FSIP2: variants seen among roughly 807,000 people sequenced by gnomAD.
FSIP2 encodes fibrous sheath interacting protein 2.
A neutral mutation model predicts 510.5 loss-of-function variants in FSIP2; 367 were observed. The ratio of observed to expected loss-of-function variants is 0.72; its 90% CI spans 0.66 to 0.78. The LOEUF is 0.78. Ranked by LOEUF, FSIP2 falls within the 30% of genes least tolerant of loss-of-function variation. The probability of loss-of-function intolerance (pLI) is 0.00; values close to 1 mark genes in which losing one functional copy is unlikely to be tolerated. For synonymous variants in FSIP2, 2,601 were observed against 2,732.2 expected (o/e 0.95, Z 1.50); for missense variants, 7,594 against 7,901.7 (o/e 0.96, Z 1.48).
In FSIP2 at chr2:185,791,312, A is replaced by ACAAAG; in HGVS notation, c.4179_4183dup (p.Ile1395LysfsTer41). The ACAAAG allele has an allele frequency of 6.5e-7, 1 of 1,534,252 alleles. No homozygotes were observed. The highest frequency in any genetic ancestry group is 2.4e-5 in the East Asian group (1 of 40,854). Reference sequence around the variant, plus strand: ...AGTCTGCAACTGACAGTGTTGATGTACAAAGCATTTTGCCAAATAGGCAAG... The same window carrying ACAAAG: ...AGTCTGCAACTGACAGTGTTGATGTACAAAGCAAAGCATTTTGCCAAATAGGCAAG... On this transcript the variant is annotated frameshift_variant, in exon 16 of 23. Coordinates refer to ENST00000424728, the MANE Select transcript of FSIP2 (RefSeq NM_173651.4). LOFTEE classifies it high-confidence loss of function.
At chr2:185,757,018 G>A (rs1178915874) in intron 9 of FSIP2, among the ~76,000 whole-genome samples, 1 of 151,316 alleles carries the variant, frequency 6.6e-6, no homozygotes, top group Non-Finnish European at 1.5e-5. Flanking sequence ...GAATCACTGA[G>A]GTTCAGTTAA....
Position 185,791,742 on chromosome 2 carries a change from AT to A in FSIP2, c.4607del (p.Ile1536LysfsTer5). On this transcript the variant is annotated frameshift_variant, in exon 16 of 23. Coordinates refer to ENST00000424728, the MANE Select transcript of FSIP2 (RefSeq NM_173651.4). LOFTEE classifies it high-confidence loss of function. The part of the protein sequence containing the change: ...IIEKMAKSTK[I>X]ISSIVSRRVQ... ...TGAGAAAATGGCCAAATCCACCAAA[AT>A]AATCTCCAGCATAGTTTCCAGAAGG... 1 of 1,534,660 alleles carries A rather than the reference AT, an allele frequency of 6.5e-7. No homozygotes were observed. The highest frequency in any genetic ancestry group is 8.7e-7 in the Non-Finnish European group (1 of 1,145,742).
chr2:185,767,430 C>T (rs80042041), intron 13 of FSIP2, among the ~76,000 whole-genome samples: 3,290 of 152,222 alleles, frequency 0.022, 100 homozygotes, highest in African/African-American at 0.069. Context: ...ATCTTCCACA[C>T]TTATTCATCT....
In FSIP2 at chr2:185,791,068, A is replaced by G. The variant is rs774731896; in HGVS notation, c.3932A>G (p.Glu1311Gly). ...IVLCAIQNEL[E>G]LHKENLNLRE... Reference sequence around the variant, plus strand: ...TTATGTGCTATCCAGAATGAACTGGAACTTCACAAGGAAAACCTAAATCTT... The same window carrying G: ...TTATGTGCTATCCAGAATGAACTGGGACTTCACAAGGAAAACCTAAATCTT... The change falls in exon 16 of 23, where the codon GAA becomes GGA. Residue 1311 changes from glutamate (E) to glycine (G), a missense_variant. By Grantham distance (98) the Glu-to-Gly change is moderately conservative. Coordinates refer to ENST00000424728, the MANE Select transcript of FSIP2 (RefSeq NM_173651.4). 22 of 1,532,018 alleles carry G rather than the reference A, an allele frequency of 1.4e-5. No homozygotes were observed. The highest frequency in any genetic ancestry group is 1.9e-5 in the Non-Finnish European group (22 of 1,144,788). 94.9% of individuals were successfully genotyped at this position (1,532,018 alleles called of 1,614,324 possible).
chr2:185,791,015 G>C lies in FSIP2; in HGVS notation c.3879G>C (p.Lys1293Asn), dbSNP rs1339271337. The stretch of plus-strand genomic sequence containing the variant: ...CTTCATTACGATCTCAACTTAGTAA[G>C]TACACAGCTAAAATAGTAAACATTG... ...FKSSLRSQLS[K>N]YTAKIVNIVL... The change falls in exon 16 of 23, where the codon AAG becomes AAC. Residue 1293 changes from lysine (K) to asparagine (N), a missense_variant. Physicochemically the swap from Lys to Asn is moderately conservative, Grantham distance 94 (BLOSUM62 0). Coordinates refer to ENST00000424728, the MANE Select transcript of FSIP2 (RefSeq NM_173651.4). The C allele has an allele frequency of 6.5e-7, 1 of 1,530,714 alleles. No homozygotes were observed. Among genetic ancestry groups the C allele is most frequent in the East Asian group, 2.5e-5 (1 of 40,788 alleles). The allele number at this position is 1,530,714 out of a possible 1,614,324, so 94.8% of individuals were successfully genotyped here.
chr2:185,796,164 C>T lies in FSIP2; in HGVS notation c.9028C>T (p.His3010Tyr). Residue 3010 changes from histidine to tyrosine, a missense_variant, in exon 16 of 23, where the codon CAT becomes TAT. Coordinates refer to ENST00000424728, the MANE Select transcript of FSIP2 (RefSeq NM_173651.4). ...GTCATTTGTGGACTTGCAGTTTAAA[C>T]ATATCTCCAAATATGAGTTTTCTGA... is the stretch of plus-strand genomic sequence containing the variant. ...LESFVDLQFK[H>Y]ISKYEFSEIV... 6.5e-7 allele frequency: 1 copy of T among 1,533,340 alleles called. No homozygotes were observed. Among genetic ancestry groups the T allele is most frequent in the South Asian group, 1.2e-5 (1 of 83,860 alleles). 95.0% of individuals were successfully genotyped at this position (1,533,340 alleles called of 1,614,324 possible). A position where few individuals can be genotyped will look rare whatever the true frequency, so the allele number is the denominator to read the frequency against.
chr2:185,751,302 T>C (rs1692141319), intron 7 of FSIP2, among the ~76,000 whole-genome samples: 1 of 151,666 alleles, frequency 6.6e-6, no homozygotes, highest in Non-Finnish European at 1.5e-5. Context: ...TTGATTTGTT[T>C]ATTGTTATGA....
intron 13 of FSIP2, chr2:185,765,947 T>G (rs1446026365): frequency 6.7e-6 from 1 of 150,200 alleles, no homozygotes; most frequent in Non-Finnish European, 1.5e-5. Flanking sequence ...TCTCTGTTTG[T>G]CTGTTGTTGG....
intron 21 of FSIP2, among the ~76,000 whole-genome samples, chr2:185,830,437 C>T (rs1397361713): frequency 6.6e-6 from 1 of 151,876 alleles, no homozygotes; most frequent in Admixed American, 6.6e-5. Context: ...CTGTCATCCC[C>T]TGATAGCTGT....
intron 14 of FSIP2, among the ~76,000 whole-genome samples, chr2:185,785,147 T>C (rs1692941016): frequency 6.6e-6 from 1 of 152,074 alleles, no homozygotes; most frequent in Non-Finnish European, 1.5e-5. Flanking sequence ...CTGAATGCAT[T>C]AGGTTGCAGA....
In FSIP2 at chr2:185,794,594, A is replaced by T; in HGVS notation, c.7458A>T (p.Ala2486=). The change falls in exon 16 of 23, where the codon GCA becomes GCT. Residue 2486 remains alanine, a synonymous_variant. Coordinates refer to ENST00000424728, the MANE Select transcript of FSIP2 (RefSeq NM_173651.4). ...AAGAAAAAGGTGAACTGCTCATTGC[A>T]GTGGAAGAACTTTTGAATAAGTTGT... ...KNKEKGELLI[A]VEELLNKLYQ... 6.5e-7 allele frequency: 1 copy of T among 1,532,174 alleles called. No homozygotes were observed. Among genetic ancestry groups the T allele is most frequent in the Non-Finnish European group, 8.7e-7 (1 of 1,144,952 alleles). The allele number at this position is 1,532,174 out of a possible 1,614,324, so 94.9% of individuals were successfully genotyped here.
At chr2:185,752,116 C>G (rs1389071474) in intron 7 of FSIP2, among the ~76,000 whole-genome samples, 1 of 150,866 alleles carries the variant, frequency 6.6e-6, no homozygotes, top group Non-Finnish European at 1.5e-5. Flanking sequence ...CCTAGTACAA[C>G]TTACTTTTGT....
Position 185,804,934 on chromosome 2 carries a change from A to T in FSIP2, c.15628A>T (p.Lys5210Ter). The change falls in exon 17 of 23, where the codon AAA becomes TAA. Residue 5210 changes from lysine to a stop codon, truncating the protein, a stop_gained. Transcript: ENST00000424728. LOFTEE classifies it high-confidence loss of function. ...ATCTGAATTCCAAGCTGAAGTACAA[A>T]AAGATGCAGACAAAAAAGGATGCTC... is the stretch of plus-strand genomic sequence containing the variant. ...KTSEFQAEVQ[K>*]DADKKGCSFL... 6.5e-7 allele frequency: 1 copy of T among 1,528,066 alleles called. No homozygotes were observed. The highest frequency in any genetic ancestry group is 8.7e-7 in the Non-Finnish European group (1 of 1,143,974). The allele number at this position is 1,528,066 out of a possible 1,614,324, so 94.7% of individuals were successfully genotyped here.
chr2:185,755,062 G>A (rs570197135), intron 8 of FSIP2, among the ~76,000 whole-genome samples: 20 of 151,392 alleles, frequency 1.3e-4, no homozygotes, highest in South Asian at 6.2e-4. Context: ...CCTGATTACC[G>A]TCTCCATTTA....
upstream of FSIP2, chr2:185,738,486 A>T: frequency 1.1e-6 from 1 of 940,474 alleles, no homozygotes; most frequent in Non-Finnish European, 1.6e-6. Context: ...GAAGATGTAG[A>T]ATGGGCAAAA....
In FSIP2 at chr2:185,813,706, TGATGAA is replaced by T. The variant is rs772708205; in HGVS notation, c.19997_20002del (p.Asp6666_Glu6667del). 5 of 1,610,160 alleles carry T rather than the reference TGATGAA, an allele frequency of 3.1e-6. No individual in the cohort carries two copies. Among genetic ancestry groups the T allele is most frequent in the South Asian group, 1.1e-5 (1 of 90,472 alleles). ...ATTACATAAAAGAGGAACGAGATTC[TGATGAA>T]GATGAAGTTGTTTTAACACAGACTT... On this transcript the variant is annotated inframe_deletion, in exon 18 of 23. Coordinates refer to ENST00000424728, the MANE Select transcript of FSIP2 (RefSeq NM_173651.4).
rs777496327 is a variant in FSIP2, at chr2:185,808,411, G to T, written c.19105G>T (p.Asp6369Tyr). ...AAGGTTGCCAAGTTCCTCAAGCAAA[G>T]ATGAAAAAAACTTATCAAAGACTGA... ...LIRLPSSSSK[D>Y]EKNLSKTELN... is the part of the protein sequence containing the mutation. Residue 6369 changes from aspartate (D) to tyrosine (Y), a missense_variant, in exon 17 of 23, where the codon GAT becomes TAT. Transcript: ENST00000424728. 1 of 1,608,554 alleles carries T rather than the reference G, an allele frequency of 6.2e-7. No homozygotes were observed. The highest frequency in any genetic ancestry group is 8.5e-7 in the Non-Finnish European group (1 of 1,178,330).
chr2:185,743,796 C>T (rs12998684), intron 3 of FSIP2, among the ~76,000 whole-genome samples: 14,735 of 152,124 alleles, frequency 0.097, 764 homozygotes, highest in Middle Eastern at 0.14. Flanking sequence ...ATTGTGTGCA[C>T]TAAACTCCTT....
chr2:185,738,490 G>A, upstream of FSIP2: 1 of 987,500 alleles, frequency 1.0e-6, no homozygotes, highest in Admixed American at 2.5e-5. Context: ...ATGTAGAATG[G>A]GCAAAAACAA....
Sources: gnomAD v4.1 joint callset for allele counts (sites outside exome capture counted in the v4.1 genomes callset) on GRCh38, gnomAD v4.1.1 for gene constraint, MANE v1.5 for transcripts, NCBI Gene and HGNC (gene_info 2026-07-23, HGNC 2026-07-21) for gene names.